LRRTM4: variants seen among roughly 807,000 people sequenced by gnomAD.
The protein encoded by LRRTM4 is leucine-rich repeat transmembrane neuronal protein 4.
LRRTM4 carries 25 observed loss-of-function variants against 47.6 expected under a neutral mutation model. That is an observed-to-expected ratio of 0.53 (90% CI 0.38 to 0.73). LRRTM4 has a LOEUF of 0.73. Ranked by LOEUF, LRRTM4 falls within the 30% of genes least tolerant of loss-of-function variation. The pLI, the probability that LRRTM4 is intolerant of heterozygous loss-of-function variation, is 0.00. For synonymous variants in LRRTM4, 311 were observed against 269.5 expected (o/e 1.15, Z -1.51); for missense variants, 638 against 713.4 (o/e 0.89, Z 1.20).
At chr2:77,143,502 A>G (rs1185967695) in intron 3 of LRRTM4, among the ~76,000 whole-genome samples, 1 of 152,194 alleles carries the variant, frequency 6.6e-6, no homozygotes, top group African/African-American at 2.4e-5. Flanking sequence ...AGAATATATT[A>G]GGGAATCTGT....
At position 76,844,642 on chromosome 2, in the gene LRRTM4, T is replaced by A. The variant is rs190439039; in HGVS notation, c.1552-95726A>T. Among the ~76,000 whole-genome samples, 997 of 152,298 alleles carry A rather than the reference T, an allele frequency of 6.5e-3. 5 individuals carry two copies. Among genetic ancestry groups the A allele is most frequent in the Non-Finnish European group, 0.01 (689 of 68,024 alleles). ...CAATGTACCATTTCCAGTAATGAAA[T>A]TTAAAACTACTGAGTCTCAATTCTA... On this transcript the variant is annotated intron_variant, in intron 3 of 3. Transcript: ENST00000409884.
chr2:76,963,260 C>T (rs1166977819), intron 3 of LRRTM4, among the ~76,000 whole-genome samples: 1 of 150,606 alleles, frequency 6.6e-6, no homozygotes, highest in Admixed American at 6.6e-5. Flanking sequence ...AACCAAGGGT[C>T]AACATTAAAT....
At chr2:76,754,191 A>G (rs1299267040) in intron 3 of LRRTM4, among the ~76,000 whole-genome samples, 1 of 152,226 alleles carries the variant, frequency 6.6e-6, no homozygotes, top group Non-Finnish European at 1.5e-5. Context: ...TCACTTATTG[A>G]AAGTAAAATT....
chr2:77,030,790 A>G (rs1678625455), intron 3 of LRRTM4, among the ~76,000 whole-genome samples: 1 of 152,224 alleles, frequency 6.6e-6, no homozygotes, highest in Admixed American at 6.5e-5. Flanking sequence ...GGCAATCTTT[A>G]AAGTTTTAAT....
chr2:76,990,696 TAGTG>T (rs1321285435), intron 3 of LRRTM4, among the ~76,000 whole-genome samples: 2 of 151,686 alleles, frequency 1.3e-5, no homozygotes, highest in Non-Finnish European at 2.9e-5. Flanking sequence ...CACACAATAA[TAGTG>T]AGGGACATCA....
intron 1 of LRRTM4, 121 bp from the exon 2 acceptor site, chr2:77,521,939 G>T: frequency 3.6e-6 from 2 of 553,914 alleles, no homozygotes; most frequent in Non-Finnish European, 6.5e-6. Context: ...AAAGGAAGCC[G>T]TTGGGGGGAT....
intron 3 of LRRTM4, among the ~76,000 whole-genome samples, chr2:77,111,311 T>TTG (rs1671243891): frequency 1.4e-5 from 2 of 140,850 alleles, no homozygotes; most frequent in Non-Finnish European, 3.0e-5. Context: ...TTGTATTTTA[T>TTG]TAGAAACAGG....
intron 3 of LRRTM4, among the ~76,000 whole-genome samples, chr2:77,486,381 AAAAAT>A (rs1322044943): frequency 6.6e-6 from 1 of 152,208 alleles, no homozygotes; most frequent in African/African-American, 2.4e-5. Flanking sequence ...TCTGTTTTAG[AAAAAT>A]AAAATAAAAT....
chr2:77,375,683 C>T lies in LRRTM4; in HGVS notation c.1551+142635G>A, dbSNP rs1186670519. ...TAGAAAACTCATATAAGTGGAATCA[C>T]GCAGTATTTCTCCTTCTCTGGCCTA... On this transcript the variant is annotated intron_variant, in intron 3 of 3. Coordinates refer to ENST00000409884, the MANE Select transcript of LRRTM4 (RefSeq NM_001134745.3). Among the ~76,000 whole-genome samples the T allele has an allele frequency of 4.0e-5, 6 of 151,616 alleles. No homozygotes were observed. The East Asian group carries it at 7.7e-4, about 20-fold the overall frequency.
rs891224264 is a variant in LRRTM4 at position 77,429,837 on chromosome 2, G to A, written c.1551+88481C>T. Among the ~76,000 whole-genome samples the A allele has an allele frequency of 4.6e-5, 7 of 152,274 alleles. No homozygotes were observed. In the East Asian group the frequency reaches 5.8e-4, roughly 13 times the overall value. Reference sequence around the variant, plus strand: ...TCACAGCACTTTGTGAGGCCGAGGCGGGTGGATTGTTTTAAGTCAGGAGTT... The same window carrying A: ...TCACAGCACTTTGTGAGGCCGAGGCAGGTGGATTGTTTTAAGTCAGGAGTT... On this transcript the variant is annotated intron_variant, in intron 3 of 3. Coordinates refer to ENST00000409884, the MANE Select transcript of LRRTM4 (RefSeq NM_001134745.3).
chr2:76,816,828 T>TGTTG (rs1276440334), intron 3 of LRRTM4, among the ~76,000 whole-genome samples: 1 of 32,060 alleles, frequency 3.1e-5, no homozygotes, highest in Non-Finnish European at 4.5e-5. Flanking sequence ...AGTTTTTTTT[T>TGTTG]TTTTTTTTTT....
intron 3 of LRRTM4, among the ~76,000 whole-genome samples, chr2:76,976,830 G>A (rs1294511748): frequency 6.6e-6 from 1 of 151,842 alleles, no homozygotes; most frequent in Admixed American, 6.6e-5. Context: ...AAAGCCAGGA[G>A]AGAGGATTTT....
intron 3 of LRRTM4, among the ~76,000 whole-genome samples, chr2:77,360,548 T>A (rs369653058): frequency 0.017 from 2,336 of 134,962 alleles, 22 homozygotes; most frequent in East Asian, 0.03. Flanking sequence ...ATACAATCAT[T>A]CATACATACA....
intron 3 of LRRTM4, among the ~76,000 whole-genome samples, chr2:77,293,507 G>A (rs79514594): frequency 2.6e-5 from 4 of 151,990 alleles, no homozygotes; most frequent in East Asian, 1.9e-4. Context: ...AAAAATATCC[G>A]GTATTATTAT....
intron 3 of LRRTM4, among the ~76,000 whole-genome samples, chr2:77,168,682 C>G (rs923535392): frequency 1.3e-5 from 2 of 152,078 alleles, no homozygotes; most frequent in African/African-American, 4.8e-5. Context: ...TACTCATTAA[C>G]CAACCTCTCT....
Position 76,792,903 on chromosome 2 carries a change from C to A in LRRTM4, c.1552-43987G>T, listed in dbSNP as rs189811858. On this transcript the variant is annotated intron_variant, in intron 3 of 3. Coordinates refer to ENST00000409884, the MANE Select transcript of LRRTM4 (RefSeq NM_001134745.3). ...TAATGTCCACTGTCCTGAAAACCAT[C>A]GTTTCATATATTTTCCCTGGGTTTT... Among the ~76,000 whole-genome samples the A allele has an allele frequency of 6.0e-3, 918 of 152,188 alleles. 26 individuals carry two copies. The highest frequency in any genetic ancestry group is 0.055 in the Admixed American group (838 of 15,278).
chr2:76,932,499 GC>G (rs1674804000), intron 3 of LRRTM4, among the ~76,000 whole-genome samples: 1 of 151,940 alleles, frequency 6.6e-6, no homozygotes, highest in African/African-American at 2.4e-5. Flanking sequence ...GAGTGTGAGT[GC>G]AAAAAAATAT....
chr2:77,115,497 A>T (rs1414972286), intron 3 of LRRTM4, among the ~76,000 whole-genome samples: 1 of 152,190 alleles, frequency 6.6e-6, no homozygotes, highest in African/African-American at 2.4e-5. Context: ...TTATAAAAGT[A>T]TTAATTTGGG....
intron 3 of LRRTM4, among the ~76,000 whole-genome samples, chr2:77,231,854 G>A (rs6729232): frequency 0.19 from 29,254 of 152,050 alleles, 5,332 homozygotes; most frequent in African/African-American, 0.47. Context: ...TATTTATACT[G>A]CAAGCTACTA....
Sources: gnomAD v4.1 joint callset for allele counts (sites outside exome capture counted in the v4.1 genomes callset) on GRCh38, gnomAD v4.1.1 for gene constraint, MANE v1.5 for transcripts, NCBI Gene and HGNC (gene_info 2026-07-23, HGNC 2026-07-21) for gene names.